The following SOX6 variants were observed in gnomAD, a reference collection of about 807,000 sequenced individuals.
SOX6 encodes SRY-box transcription factor 6.
SOX6 carries 11 observed loss-of-function variants against 97.8 expected under a neutral mutation model. That is an observed-to-expected ratio of 0.11 (90% CI 0.07 to 0.19). SOX6 has a LOEUF of 0.19. Ranked by LOEUF, SOX6 falls within the 10% of genes least tolerant of loss-of-function variation. The probability of loss-of-function intolerance (pLI) is 1.00; values close to 1 mark genes in which losing one functional copy is unlikely to be tolerated. For missense variants in SOX6, 810 were observed against 1,039.5 expected, an observed-to-expected ratio of 0.78 and a Z score of 3.04; for synonymous variants, 360 against 371.4, an observed-to-expected ratio of 0.97 and a Z score of 0.35.
At chr11:16,691,502 GA>G (rs1848013028) in intron 3 of SOX6, among the ~76,000 whole-genome samples, 3 of 152,130 alleles carry the variant, frequency 2.0e-5, no homozygotes, top group Admixed American at 6.6e-5. Flanking sequence ...GAAGTGTAAA[GA>G]AGGGAAAAAA....
intron 4 of SOX6, among the ~76,000 whole-genome samples, chr11:16,544,753 C>T (rs912588435): frequency 1.6e-4 from 25 of 151,610 alleles, no homozygotes; most frequent in African/African-American, 6.1e-4. Context: ...TGCAAAGAAG[C>T]AGAAAAATAT....
rs992542556 is a variant in SOX6 at position 16,613,446 on chromosome 11, G to A, written n.430-1186C>T. Reference sequence around the variant, plus strand: ...GGCAACCAGAGCCTCTGTCTTGCCAGTTGCGCACTCTGAGACATCTCTCGG... The same window carrying A: ...GGCAACCAGAGCCTCTGTCTTGCCAATTGCGCACTCTGAGACATCTCTCGG... On this transcript the variant is annotated intron_variant and non_coding_transcript_variant, in intron 3 of 5. Transcript: ENST00000524520. This position sits in a 1 kb window ranked among gnomAD's most constrained non-coding sequence, Gnocchi z 4.6. Among the ~76,000 whole-genome samples, 6 of 152,128 alleles carry A rather than the reference G, an allele frequency of 3.9e-5. No homozygotes were observed. The highest frequency in any genetic ancestry group is 1.3e-4 in the Admixed American group (2 of 15,280).
chr11:16,146,163 A>T (rs1850288023), intron 6 of SOX6, among the ~76,000 whole-genome samples: 1 of 152,194 alleles, frequency 6.6e-6, no homozygotes. Flanking sequence ...GATATAGACC[A>T]ATGGAACAGA....
chr11:16,119,783 A>T (rs1849443373), intron 6 of SOX6, among the ~76,000 whole-genome samples: 1 of 152,224 alleles, frequency 6.6e-6, no homozygotes, highest in African/African-American at 2.4e-5. Context: ...ACTGACTTTT[A>T]AATACATCTT....
At chr11:16,059,529 A>G (rs1590167148) in intron 9 of SOX6, among the ~76,000 whole-genome samples, 1 of 152,044 alleles carries the variant, frequency 6.6e-6, no homozygotes, top group South Asian at 2.1e-4. Context: ...GTAATCAAAA[A>G]CAGACCTTTC....
chr11:16,528,232 T>C (rs1298374981), intron 4 of SOX6, among the ~76,000 whole-genome samples: 2 of 152,144 alleles, frequency 1.3e-5, no homozygotes, highest in African/African-American at 2.4e-5. Flanking sequence ...GGAAATATAC[T>C]TACTCTATAA....
At chr11:16,377,927 G>T (rs1857687535) in intron 1 of SOX6, among the ~76,000 whole-genome samples, 1 of 152,170 alleles carries the variant, frequency 6.6e-6, no homozygotes, top group Admixed American at 6.5e-5. Context: ...AAACTGTTGG[G>T]CGGAGCATAA....
intron 4 of SOX6, among the ~76,000 whole-genome samples, chr11:16,573,181 G>C (rs1208699695): frequency 6.6e-6 from 1 of 152,102 alleles, no homozygotes; most frequent in East Asian, 1.9e-4. Context: ...TTTCACCACT[G>C]TTCCTCAGAA....
intron 4 of SOX6, among the ~76,000 whole-genome samples, chr11:16,505,009 T>C (rs1314697941): frequency 6.6e-6 from 1 of 152,140 alleles, no homozygotes; most frequent in East Asian, 1.9e-4. Context: ...GAGAATAAAC[T>C]AATATAGAAA....
intron 1 of SOX6, among the ~76,000 whole-genome samples, chr11:16,438,097 C>T (rs747730915): frequency 9.9e-5 from 15 of 151,796 alleles, no homozygotes; most frequent in African/African-American, 1.5e-4. Context: ...CAAGTATAGG[C>T]CTTTTGGAAG....
At chr11:16,168,787 G>T (rs1332414684) in intron 6 of SOX6, among the ~76,000 whole-genome samples, 2 of 152,122 alleles carry the variant, frequency 1.3e-5, no homozygotes, top group African/African-American at 4.8e-5. Context: ...CATGCAGGTG[G>T]AAATTATGGT....
intron 3 of SOX6, among the ~76,000 whole-genome samples, chr11:16,644,359 G>C (rs2134007749): frequency 6.6e-6 from 1 of 152,158 alleles, no homozygotes; most frequent in East Asian, 1.9e-4. Flanking sequence ...ACAATCTTTT[G>C]ATATAAATCA....
chr11:16,340,979 T>C (rs1384447408), intron 2 of SOX6, 33 bp downstream of exon 2: 2 of 1,612,684 alleles, frequency 1.2e-6, no homozygotes, highest in Non-Finnish European at 8.5e-7. Context: ...AAGGAATGCA[T>C]TTAGTGGCAG....
intron 1 of SOX6, among the ~76,000 whole-genome samples, chr11:16,373,530 C>T (rs1309037262): frequency 2.0e-5 from 3 of 152,008 alleles, no homozygotes; most frequent in Admixed American, 6.6e-5. Context: ...TCCCTTACAG[C>T]TCTAGAAACA....
intron 1 of SOX6, among the ~76,000 whole-genome samples, chr11:16,439,993 T>G (rs147375244): frequency 4.6e-5 from 7 of 152,274 alleles, no homozygotes; most frequent in Non-Finnish European, 1.0e-4. Flanking sequence ...GTTCCATATA[T>G]AGACACCAAG....
chr11:16,300,314 TC>T lies in SOX6; in HGVS notation c.445+18131del. ...TCCACAATATTAGACATTTTTACTG[TC>T]CCTTCCTTAAGAAAAAGCAGGTCTA... is the stretch of plus-strand genomic sequence containing the variant. On this transcript the variant is annotated intron_variant, in intron 3 of 15. Coordinates refer to ENST00000683767, the MANE Select transcript of SOX6 (RefSeq NM_001367873.1). The surrounding 1 kb of genome is among the most constrained non-coding windows in gnomAD (Gnocchi z 4.1). Among the ~76,000 whole-genome samples, 1 of 152,202 alleles carries T rather than the reference TC, an allele frequency of 6.6e-6. No homozygotes were observed. The highest frequency in any genetic ancestry group is 1.5e-5 in the Non-Finnish European group (1 of 68,022).
At chr11:16,139,780 A>G (rs1278199237) in intron 6 of SOX6, among the ~76,000 whole-genome samples, 1 of 152,004 alleles carries the variant, frequency 6.6e-6, no homozygotes. Flanking sequence ...TGTATTATAC[A>G]TATTCACACA....
chr11:16,729,173 G>T (rs1848330116), intron 2 of SOX6, among the ~76,000 whole-genome samples: 1 of 152,186 alleles, frequency 6.6e-6, no homozygotes, highest in Admixed American at 6.5e-5. Flanking sequence ...TTATCCAGGA[G>T]AACTTCCCCA....
intron 1 of SOX6, among the ~76,000 whole-genome samples, chr11:16,470,510 A>G (rs1307272735): frequency 1.3e-5 from 2 of 152,172 alleles, no homozygotes; most frequent in Admixed American, 6.5e-5. Context: ...CAATTTTGGA[A>G]TAGAGGAGTA....
Sources: allele counts gnomAD v4.1 joint callset (sites outside exome capture counted in the v4.1 genomes callset), GRCh38; gene constraint gnomAD v4.1.1; non-coding constraint Gnocchi (gnomAD v3.1); transcripts MANE v1.5; gene names NCBI Gene and HGNC (gene_info 2026-07-23, HGNC 2026-07-21).